ZNF644: variants seen among roughly 807,000 people sequenced by gnomAD.
The protein encoded by ZNF644 is zinc finger protein 644.
In ZNF644, 20 loss-of-function variants were observed where a neutral mutation model predicts 108.0. The ratio of observed to expected loss-of-function variants is 0.19; its 90% CI spans 0.13 to 0.27. The LOEUF (loss-of-function observed/expected upper bound fraction) is 0.27. Ranked by LOEUF, ZNF644 falls within the 10% of genes least tolerant of loss-of-function variation. ZNF644 has a pLI of 1.00. For missense variants in ZNF644, 1,338 were observed against 1,548.9 expected, an observed-to-expected ratio of 0.86 and a Z score of 2.29; for synonymous variants, 542 against 539.1, an observed-to-expected ratio of 1.01 and a Z score of -0.08.
intron 1 of ZNF644, among the ~76,000 whole-genome samples, chr1:91,007,554 A>T (rs1659577395): frequency 6.6e-6 from 1 of 151,778 alleles, no homozygotes; most frequent in Non-Finnish European, 1.5e-5. Flanking sequence ...TGCAAGTGTG[A>T]TCCTCTAGTT....
intron 1 of ZNF644, among the ~76,000 whole-genome samples, chr1:91,002,976 A>G (rs1193165517): frequency 6.6e-6 from 1 of 151,956 alleles, no homozygotes; most frequent in African/African-American, 2.4e-5. Context: ...CAAAACCACA[A>G]TGAGATACCA....
chr1:90,973,725 G>A (rs1025797413), intron 2 of ZNF644, among the ~76,000 whole-genome samples: 7 of 152,186 alleles, frequency 4.6e-5, no homozygotes, highest in East Asian at 1.9e-4. Context: ...AGAAGAGCCC[G>A]TCATCTATAG....
chr1:90,965,466 T>C (rs537983785), intron 2 of ZNF644, among the ~76,000 whole-genome samples: 30 of 152,240 alleles, frequency 2.0e-4, no homozygotes, highest in African/African-American at 7.2e-4. Flanking sequence ...ACCCTATATT[T>C]CCAAGTGAGG....
chr1:90,980,733 A>G (rs1656463153), intron 2 of ZNF644, among the ~76,000 whole-genome samples: 1 of 152,222 alleles, frequency 6.6e-6, no homozygotes, highest in South Asian at 2.1e-4. Flanking sequence ...TACATACTAT[A>G]TATAAAATCC....
At chr1:91,010,234 G>A (rs567676428) in intron 1 of ZNF644, among the ~76,000 whole-genome samples, 54 of 142,172 alleles carry the variant, frequency 3.8e-4, no homozygotes, top group African/African-American at 1.4e-3. Context: ...TCATGTCTGT[G>A]CCTTTTTTTT....
chr1:91,016,704 A>G (rs993430904), intron 1 of ZNF644, among the ~76,000 whole-genome samples: 6 of 152,252 alleles, frequency 3.9e-5, no homozygotes, highest in African/African-American at 1.4e-4. Flanking sequence ...ATTAGATAAA[A>G]TAATTGATAG....
At chr1:90,929,890 G>C (rs961011909) in intron 4 of ZNF644, among the ~76,000 whole-genome samples, 4 of 152,148 alleles carry the variant, frequency 2.6e-5, no homozygotes, top group African/African-American at 9.7e-5. Flanking sequence ...TTAATATATT[G>C]CACTAGTGGT....
chr1:90,951,112 T>C (rs979630292), intron 2 of ZNF644, among the ~76,000 whole-genome samples: 5 of 152,168 alleles, frequency 3.3e-5, no homozygotes, highest in African/African-American at 1.2e-4. Context: ...ACATCCAGAA[T>C]CCAATCACTT....
chr1:90,950,729 T>C (rs1653063346), intron 2 of ZNF644, among the ~76,000 whole-genome samples: 1 of 152,176 alleles, frequency 6.6e-6, no homozygotes, highest in Non-Finnish European at 1.5e-5. Flanking sequence ...TTTAATAACA[T>C]AATTACTAAG....
chr1:90,939,837 T>C lies in ZNF644; in HGVS notation c.1517A>G (p.Asn506Ser). Reference protein sequence around the residue: ...LQCPQCVFGTNCPKTFVQHAK... With the variant: ...LQCPQCVFGTSCPKTFVQHAK... ...ATGTTGCACAAATGTTTTAGGGCAATTGGTACCAAACACACACTGAGGACA... is the reference window on the plus strand; with the variant it reads ...ATGTTGCACAAATGTTTTAGGGCAACTGGTACCAAACACACACTGAGGACA... Residue 506 changes from asparagine (N) to serine (S), a missense_variant, in exon 3 of 6, where the codon AAT (asparagine) becomes AGT (serine). By Grantham distance (46) the Asn-to-Ser change is conservative. Coordinates refer to ENST00000337393, the MANE Select transcript of ZNF644 (RefSeq NM_201269.3). The C allele has an allele frequency of 3.7e-6, 6 of 1,614,048 alleles. No individual in the cohort carries two copies. Among genetic ancestry groups the C allele is most frequent in the Non-Finnish European group, 5.1e-6 (6 of 1,179,960 alleles).
intron 1 of ZNF644, among the ~76,000 whole-genome samples, chr1:91,005,676 C>CAGTA (rs942575351): frequency 2.0e-5 from 3 of 151,926 alleles, no homozygotes; most frequent in African/African-American, 7.3e-5. Flanking sequence ...TCTATGTAAC[C>CAGTA]AGTAAGCCAA....
chr1:90,952,729 TCA>T (rs1385184823), intron 2 of ZNF644, among the ~76,000 whole-genome samples: 9 of 151,868 alleles, frequency 5.9e-5, no homozygotes, highest in African/African-American at 2.2e-4. Context: ...TGGTAAAAGA[TCA>T]CACATACATT....
At position 90,947,302 on chromosome 1, in the gene ZNF644, CAT is replaced by C. The variant is rs146838315; in HGVS notation, c.45-5995_45-5994del. On this transcript the variant is annotated intron_variant, in intron 2 of 5. Transcript: ENST00000337393. ...TGGTCTCAGCTTACATCGTAATAGACATATATGCACGTGGCTCCAATAAGACA... is the reference window on the plus strand; with the variant it reads ...TGGTCTCAGCTTACATCGTAATAGACATATGCACGTGGCTCCAATAAGACA... 2.4e-3 allele frequency among the ~76,000 whole-genome samples: 366 copies of C among 152,232 alleles called. 8 individuals carry two copies. In the East Asian group the frequency reaches 0.036, roughly 15 times the overall value.
At chr1:90,917,924 A>C in intron 5 of ZNF644, 128 bp downstream of exon 5, 1 of 788,270 alleles carries the variant, frequency 1.3e-6, no homozygotes, top group Non-Finnish European at 2.2e-6. Context: ...CTATCTCCAA[A>C]AGTTCATTTA....
At chr1:90,950,996 T>C (rs1243798326) in intron 2 of ZNF644, among the ~76,000 whole-genome samples, 1 of 152,218 alleles carries the variant, frequency 6.6e-6, no homozygotes, top group Non-Finnish European at 1.5e-5. Context: ...TCCTCATCTA[T>C]ATCAGTTGTT....
intron 1 of ZNF644, among the ~76,000 whole-genome samples, chr1:90,984,138 C>A (rs1429189908): frequency 6.6e-6 from 1 of 152,160 alleles, no homozygotes; most frequent in Non-Finnish European, 1.5e-5. Flanking sequence ...TTTTGAACTT[C>A]TGGCCTCCAG....
At chr1:90,957,735 T>C (rs1401310404) in intron 2 of ZNF644, among the ~76,000 whole-genome samples, 1 of 152,192 alleles carries the variant, frequency 6.6e-6, no homozygotes, top group African/African-American at 2.4e-5. Context: ...CTACCACTTT[T>C]ACCACTGCCA....
intron 2 of ZNF644, 98 bp downstream of exon 2, chr1:90,982,212 T>A: frequency 2.0e-6 from 2 of 985,836 alleles, no homozygotes; most frequent in Non-Finnish European, 3.1e-6. Context: ...ATTTAAAAAC[T>A]CTTTGGTTCT....
intron 2 of ZNF644, among the ~76,000 whole-genome samples, chr1:90,974,886 CTT>C (rs1655842421): frequency 6.6e-6 from 1 of 152,176 alleles, no homozygotes; most frequent in Non-Finnish European, 1.5e-5. Flanking sequence ...CGTCTAATCT[CTT>C]GAGACTAGCC....
Sources: gnomAD v4.1 joint callset for allele counts (sites outside exome capture counted in the v4.1 genomes callset) on GRCh38, gnomAD v4.1.1 for gene constraint, MANE v1.5 for transcripts, NCBI Gene and HGNC (gene_info 2026-07-23, HGNC 2026-07-21) for gene names.